Variants in DCDC1 observed in about 807,000 individuals in gnomAD.
The protein encoded by DCDC1 is doublecortin domain containing 1.
Under a neutral mutation model 178.3 loss-of-function variants are expected in DCDC1, and 200 were observed. The observed-to-expected ratio is 1.12, with a 90% CI of 1.00 to 1.26. The LOEUF (loss-of-function observed/expected upper bound fraction) is 1.26, where lower values mean the gene tolerates loss of function less well. DCDC1 is among the 50% of genes most tolerant of loss of function. The pLI is 0.00. For synonymous variants in DCDC1, 690 were observed against 604.8 expected (o/e 1.14, Z -2.07); for missense variants, 1,983 against 1,749.2 (o/e 1.13, Z -2.38).
intron 17 of DCDC1, among the ~76,000 whole-genome samples, chr11:31,081,782 T>C (rs765917592): frequency 3.3e-5 from 5 of 152,188 alleles, no homozygotes; most frequent in Non-Finnish European, 7.3e-5. Context: ...CTTACTAGTA[T>C]CACTCCTGTT....
intron 18 of DCDC1, among the ~76,000 whole-genome samples, chr11:31,073,823 G>A (rs978604764): frequency 3.3e-5 from 5 of 152,136 alleles, no homozygotes; most frequent in Non-Finnish European, 7.4e-5. Context: ...TTAATAAATG[G>A]GGTGAAATTT....
intron 9 of DCDC1, among the ~76,000 whole-genome samples, chr11:31,152,602 C>T (rs1965282479): frequency 6.6e-6 from 1 of 152,186 alleles, no homozygotes; most frequent in South Asian, 2.1e-4. Context: ...CTGTCATCTC[C>T]TTTGTGTCAC....
At chr11:31,021,531 A>G (rs1467589239) in intron 20 of DCDC1, among the ~76,000 whole-genome samples, 1 of 152,172 alleles carries the variant, frequency 6.6e-6, no homozygotes, top group African/African-American at 2.4e-5. Flanking sequence ...GAATGCTTTC[A>G]TATTTCCCTG....
At chr11:31,291,736 C>T (rs1318239191) in intron 6 of DCDC1, among the ~76,000 whole-genome samples, 1 of 152,040 alleles carries the variant, frequency 6.6e-6, no homozygotes, top group Non-Finnish European at 1.5e-5. Context: ...CTCATCTGCT[C>T]TTATTTGTTC....
intron 21 of DCDC1, among the ~76,000 whole-genome samples, chr11:30,949,231 G>T (rs1329749911): frequency 2.0e-5 from 3 of 152,306 alleles, no homozygotes; most frequent in East Asian, 1.9e-4. Flanking sequence ...AGACAATTGT[G>T]CAGCCAACAA....
chr11:31,071,362 C>A (rs1590945796), intron 18 of DCDC1, among the ~76,000 whole-genome samples: 1 of 152,140 alleles, frequency 6.6e-6, no homozygotes. Flanking sequence ...CATTTTGGTG[C>A]AAACTATTGA....
intron 22 of DCDC1, among the ~76,000 whole-genome samples, chr11:30,926,140 G>A (rs867221721): frequency 4.6e-5 from 7 of 152,172 alleles, no homozygotes; most frequent in Non-Finnish European, 1.0e-4. Flanking sequence ...CCTGCCCAGC[G>A]TGCTGTGAGA....
At chr11:31,194,578 T>A (rs1970467322) in intron 9 of DCDC1, among the ~76,000 whole-genome samples, 1 of 152,120 alleles carries the variant, frequency 6.6e-6, no homozygotes, top group Admixed American at 6.6e-5. Context: ...AATTTTATAT[T>A]ATGAGCCTTC....
At chr11:30,908,714 A>G (rs768429051) in intron 29 of DCDC1, among the ~76,000 whole-genome samples, 1 of 152,150 alleles carries the variant, frequency 6.6e-6, no homozygotes. Flanking sequence ...GAAAATTTCA[A>G]TTATAAAAAT....
At chr11:31,364,985 C>G (rs1000120345) in intron 1 of DCDC1, among the ~76,000 whole-genome samples, 3 of 152,158 alleles carry the variant, frequency 2.0e-5, no homozygotes, top group Non-Finnish European at 4.4e-5. Context: ...TTCAAGTAAT[C>G]TATTCTACGT....
intron 11 of DCDC1, among the ~76,000 whole-genome samples, chr11:31,123,754 G>C (rs1961152731): frequency 6.6e-6 from 1 of 152,000 alleles, no homozygotes; most frequent in African/African-American, 2.4e-5. Context: ...ATCATAAAAA[G>C]AGAATGCCTG....
intron 20 of DCDC1, among the ~76,000 whole-genome samples, chr11:30,990,167 C>T (rs1213982378): frequency 6.6e-6 from 1 of 151,742 alleles, no homozygotes; most frequent in Admixed American, 6.6e-5. Context: ...GTTGGGGTGT[C>T]AACTACAGTG....
chr11:30,889,400 G>T (rs1227562500), intron 36 of DCDC1, among the ~76,000 whole-genome samples: 3 of 152,150 alleles, frequency 2.0e-5, no homozygotes, highest in African/African-American at 7.2e-5. Context: ...AATACCATCT[G>T]GGGGTTTCAT....
At chr11:31,285,150 T>C (rs907117551) in intron 7 of DCDC1, among the ~76,000 whole-genome samples, 1 of 151,984 alleles carries the variant, frequency 6.6e-6, no homozygotes, top group South Asian at 2.1e-4. Flanking sequence ...CTCAATTATA[T>C]ATAGAAATTC....
chr11:30,916,802 T>A, intron 26 of DCDC1, 68 bp downstream of exon 26: 1 of 1,448,198 alleles, frequency 6.9e-7, no homozygotes, highest in Non-Finnish European at 9.1e-7. Flanking sequence ...TGGGAATATA[T>A]GTGTCCCAAG....
At chr11:30,875,097 C>T (rs1481627806) in intron 38 of DCDC1, among the ~76,000 whole-genome samples, 1 of 152,098 alleles carries the variant, frequency 6.6e-6, no homozygotes. Flanking sequence ...ATTCCAGACT[C>T]GTAGAATTAG....
intron 20 of DCDC1, among the ~76,000 whole-genome samples, chr11:30,996,739 G>T (rs1262752052): frequency 6.6e-6 from 1 of 152,154 alleles, no homozygotes; most frequent in Non-Finnish European, 1.5e-5. Flanking sequence ...GAAGCTGTGA[G>T]AAAATAAATT....
chr11:31,023,445 A>T (rs1228768637), intron 20 of DCDC1, among the ~76,000 whole-genome samples: 1 of 152,072 alleles, frequency 6.6e-6, no homozygotes. Flanking sequence ...GGAACAAGGA[A>T]CAATGAGGAA....
intron 20 of DCDC1, among the ~76,000 whole-genome samples, chr11:30,964,609 G>C (rs1356467266): frequency 6.6e-6 from 1 of 152,256 alleles, no homozygotes; most frequent in East Asian, 1.9e-4. Context: ...CCCAGAGTAT[G>C]TAGGAAAATG....
Sources: gnomAD v4.1 joint callset for allele counts (sites outside exome capture counted in the v4.1 genomes callset) on GRCh38, gnomAD v4.1.1 for gene constraint, MANE v1.5 for transcripts, NCBI Gene and HGNC (gene_info 2026-07-23, HGNC 2026-07-21) for gene names.